Variants in AFG1L observed in about 807,000 individuals in gnomAD.
AFG1L encodes the protein AFG1-like ATPase.
Under a neutral mutation model 62.2 loss-of-function variants are expected in AFG1L, and 53 were observed. The ratio of observed to expected loss-of-function variants is 0.85; its 90% CI spans 0.68 to 1.07. The LOEUF is 1.07. Ranked by LOEUF, AFG1L falls within the 50% of genes least tolerant of loss-of-function variation. The pLI, the probability that AFG1L is intolerant of heterozygous loss-of-function variation, is 0.00. For missense variants in AFG1L, 555 were observed against 590.5 expected (o/e 0.94, Z 0.62); for synonymous variants, 228 against 210.3 (o/e 1.08, Z -0.73).
intron 10 of AFG1L, among the ~76,000 whole-genome samples, chr6:108,508,932 C>G (rs1582682395): frequency 6.6e-6 from 1 of 152,250 alleles, no homozygotes. Context: ...GAGGCTCAGC[C>G]ACCTGTGTCC....
chr6:108,504,635 G>A (rs530638366), intron 10 of AFG1L, among the ~76,000 whole-genome samples: 2 of 152,302 alleles, frequency 1.3e-5, no homozygotes, highest in African/African-American at 4.8e-5. Flanking sequence ...TTGGAAAAAT[G>A]TCACCAACAG....
At chr6:108,342,185 T>C (rs1778707268) in intron 2 of AFG1L, among the ~76,000 whole-genome samples, 1 of 152,144 alleles carries the variant, frequency 6.6e-6, no homozygotes, top group Non-Finnish European at 1.5e-5. Context: ...TCCCTTTCTA[T>C]GCCCTCTGTC....
chr6:108,307,648 T>C (rs1454174904), intron 1 of AFG1L, among the ~76,000 whole-genome samples: 1 of 152,224 alleles, frequency 6.6e-6, no homozygotes, highest in Admixed American at 6.5e-5. Context: ...ATGAATATGT[T>C]TGTACATATA....
At chr6:108,469,558 C>T (rs1239074613) in intron 8 of AFG1L, among the ~76,000 whole-genome samples, 2 of 152,056 alleles carry the variant, frequency 1.3e-5, no homozygotes, top group African/African-American at 4.8e-5. Flanking sequence ...TATGAAAATA[C>T]GTTGTAAGGG....
At chr6:108,329,790 C>T (rs1778199148) in intron 2 of AFG1L, among the ~76,000 whole-genome samples, 2 of 151,576 alleles carry the variant, frequency 1.3e-5, no homozygotes, top group South Asian at 4.2e-4. Flanking sequence ...TGGAAAAACT[C>T]CAGTGATGGA....
Position 108,366,264 on chromosome 6 carries a change from A to G in AFG1L, c.680A>G (p.Lys227Arg). The change falls in exon 6 of 13, where the codon AAA (lysine) becomes AGA (arginine). Residue 227 changes from lysine to arginine, a missense_variant. By Grantham distance (26) the Lys-to-Arg change is conservative. Coordinates refer to ENST00000368977, the MANE Select transcript of AFG1L (RefSeq NM_145315.5). ...GACATTGCTGATGCCATGATTCTGA[A>G]ACAGCTTTTTGAAAATCTGTTCAAA... ...VTDIADAMIL[K>R]QLFENLFKNG... 6.2e-7 allele frequency: 1 copy of G among 1,610,868 alleles called. No individual in the cohort carries two copies. Among genetic ancestry groups the G allele is most frequent in the Non-Finnish European group, 8.5e-7 (1 of 1,177,692 alleles).
Position 108,439,925 on chromosome 6 carries a change from A to G in AFG1L, c.808-7289A>G, listed in dbSNP as rs190317669. Among the ~76,000 whole-genome samples, 47 of 152,306 alleles carry G rather than the reference A, an allele frequency of 3.1e-4. No homozygotes were observed. The East Asian group carries it at 8.5e-3, about 28-fold the overall frequency. On this transcript the variant is annotated intron_variant, in intron 7 of 12. Coordinates refer to ENST00000368977, the MANE Select transcript of AFG1L (RefSeq NM_145315.5). ...GCAAAAAAAGTTAGTACAGTATGCA[A>G]TTAAGCTTTTCTGTATTTAAGTGTT...
intron 6 of AFG1L, among the ~76,000 whole-genome samples, chr6:108,393,315 G>A (rs892363814): frequency 2.0e-5 from 3 of 151,952 alleles, no homozygotes; most frequent in Admixed American, 6.6e-5. Flanking sequence ...TAATTAGCAC[G>A]ATATTTGAAT....
At chr6:108,324,331 C>T (rs1302372047) in intron 2 of AFG1L, among the ~76,000 whole-genome samples, 1 of 152,186 alleles carries the variant, frequency 6.6e-6, no homozygotes, top group Non-Finnish European at 1.5e-5. Flanking sequence ...CTAGCTCAGG[C>T]CTCATCCAGG....
chr6:108,374,279 T>C (rs1336428548), intron 6 of AFG1L, among the ~76,000 whole-genome samples: 1 of 152,236 alleles, frequency 6.6e-6, no homozygotes, highest in African/African-American at 2.4e-5. Flanking sequence ...TATCCCTTTC[T>C]GTAGGTTGTC....
intron 12 of AFG1L, chr6:108,521,644 A>G (rs1402543010): frequency 2.6e-5 from 4 of 152,258 alleles, no homozygotes; most frequent in Non-Finnish European, 5.9e-5. Flanking sequence ...TTTTTCTCTG[A>G]AAAAGCATAC....
intron 7 of AFG1L, among the ~76,000 whole-genome samples, chr6:108,406,223 G>A (rs988259827): frequency 5.3e-5 from 8 of 151,934 alleles, no homozygotes; most frequent in African/African-American, 1.9e-4. Context: ...TTTCCATAGC[G>A]GCTGTACCAT....
At chr6:108,480,509 C>T (rs1164950460) in intron 10 of AFG1L, among the ~76,000 whole-genome samples, 1 of 152,126 alleles carries the variant, frequency 6.6e-6, no homozygotes, top group Non-Finnish European at 1.5e-5. Context: ...CAAGTTTTTC[C>T]TCAATCTTTA....
At chr6:108,457,808 G>C (rs1772310765) in intron 8 of AFG1L, among the ~76,000 whole-genome samples, 1 of 152,070 alleles carries the variant, frequency 6.6e-6, no homozygotes, top group African/African-American at 2.4e-5. Flanking sequence ...TCATATTAAA[G>C]TTTTTGTTTT....
intron 8 of AFG1L, among the ~76,000 whole-genome samples, chr6:108,469,208 T>C (rs184658390): frequency 1.3e-5 from 2 of 152,292 alleles, no homozygotes; most frequent in East Asian, 1.9e-4. Flanking sequence ...TGTGAATATC[T>C]GTAAGTCTTT....
chr6:108,430,240 C>T (rs115762377), intron 7 of AFG1L, among the ~76,000 whole-genome samples: 2 of 152,228 alleles, frequency 1.3e-5, no homozygotes, highest in African/African-American at 4.8e-5. Flanking sequence ...CCACTGTGCC[C>T]AGTCATAAGA....
At chr6:108,497,956 G>C (rs1774035213) in intron 10 of AFG1L, among the ~76,000 whole-genome samples, 1 of 152,174 alleles carries the variant, frequency 6.6e-6, no homozygotes, top group Non-Finnish European at 1.5e-5. Flanking sequence ...CTATGGGGGA[G>C]TTCTTTGGAT....
At chr6:108,505,385 C>T (rs1433681597) in intron 10 of AFG1L, among the ~76,000 whole-genome samples, 2 of 152,154 alleles carry the variant, frequency 1.3e-5, no homozygotes, top group Non-Finnish European at 2.9e-5. Flanking sequence ...AACCACTGCG[C>T]CCAGCCAGAT....
chr6:108,374,961 G>A (rs1780180046), intron 6 of AFG1L, among the ~76,000 whole-genome samples: 2 of 152,146 alleles, frequency 1.3e-5, no homozygotes, highest in African/African-American at 2.4e-5. Flanking sequence ...TCCAATCCAT[G>A]AGCCTGGAAT....
Sources: gnomAD v4.1 joint callset for allele counts (sites outside exome capture counted in the v4.1 genomes callset) on GRCh38, gnomAD v4.1.1 for gene constraint, MANE v1.5 for transcripts, NCBI Gene and HGNC (gene_info 2026-07-23, HGNC 2026-07-21) for gene names.